TNNT3: variants seen among roughly 807,000 people sequenced by gnomAD.
TNNT3 encodes troponin T, fast skeletal muscle.
A neutral mutation model predicts 54.2 loss-of-function variants in TNNT3; 36 were observed. The ratio of observed to expected loss-of-function variants is 0.66; its 90% CI spans 0.51 to 0.88. The LOEUF is 0.88. TNNT3 is among the 40% of genes least tolerant of loss of function. TNNT3 has a pLI of 0.00. For synonymous variants in TNNT3, 120 were observed against 109.7 expected, an observed-to-expected ratio of 1.09 and a Z score of -0.59; for missense variants, 291 against 331.6, an observed-to-expected ratio of 0.88 and a Z score of 0.95.
intron 9 of TNNT3, 48 bp downstream of exon 9, chr11:1,932,562 C>T (rs771098385): frequency 6.2e-7 from 1 of 1,600,768 alleles, no homozygotes; most frequent in Non-Finnish European, 8.6e-7. Flanking sequence ...TCCCCACACC[C>T]CAGCTTTTGG....
chr11:1,924,260 C>T (rs1850879928), intron 4 of TNNT3, among the ~76,000 whole-genome samples: 1 of 152,178 alleles, frequency 6.6e-6, no homozygotes, highest in Non-Finnish European at 1.5e-5. Context: ...GAGCCTGGAG[C>T]CCCCTCCCTG....
At chr11:1,930,674 G>T (rs917136889) in intron 8 of TNNT3, among the ~76,000 whole-genome samples, 1 of 152,190 alleles carries the variant, frequency 6.6e-6, no homozygotes, top group Non-Finnish European at 1.5e-5. Context: ...CACACTCACT[G>T]TTGGCTCCCA....
chr11:1,919,648 T>TG (rs1321582307), upstream of TNNT3: 3 of 152,256 alleles, frequency 2.0e-5, no homozygotes, highest in Non-Finnish European at 4.4e-5. Context: ...CACTGGCCAA[T>TG]GGGCTCCTAG....
At chr11:1,937,025 G>A (rs763419356) in intron 15 of TNNT3, 22 bp downstream of exon 15, 6 of 1,579,372 alleles carry the variant, frequency 3.8e-6, no homozygotes, top group Non-Finnish European at 5.2e-6. Context: ...TGCCGTCCTC[G>A]CTCCGCACTG....
At position 1,922,859 on chromosome 11, in the gene TNNT3, ACCAC is replaced by A. The variant is rs1564795694; in HGVS notation, c.-10_-7del. ...TCTCTCTGAATCTCTCTCTGCAGAA[ACCAC>A]CCACCTTCACCATGTCTGACGAGGA... On this transcript the variant is annotated 5_prime_UTR_variant, in exon 2 of 16. Transcript: ENST00000278317. 6.2e-7 allele frequency: 1 copy of A among 1,612,728 alleles called. No individual in the cohort carries two copies. Among genetic ancestry groups the A allele is most frequent in the Non-Finnish European group, 8.5e-7 (1 of 1,179,880 alleles).
At chr11:1,923,462 C>T in intron 3 of TNNT3, 93 bp from the exon 4 acceptor site, 1 of 1,419,490 alleles carries the variant, frequency 7.0e-7, no homozygotes, top group Non-Finnish European at 1.0e-6. Flanking sequence ...CTGGCCTGTC[C>T]AGGGCCGGGA....
At chr11:1,935,125 G>A in intron 14 of TNNT3, 1 of 647,788 alleles carries the variant, frequency 1.5e-6, no homozygotes, top group Non-Finnish European at 2.8e-6. Context: ...CTCCTGGCTG[G>A]CCATGCAGCG....
At chr11:1,935,001 A>C in intron 14 of TNNT3, 82 bp downstream of exon 14, 1 of 1,341,418 alleles carries the variant, frequency 7.5e-7, no homozygotes, top group Non-Finnish European at 1.1e-6. Flanking sequence ...GTCCCTACCA[A>C]ACTCTGGACC....
At chr11:1,925,567 T>C (rs1800946742) in intron 5 of TNNT3, among the ~76,000 whole-genome samples, 1 of 151,738 alleles carries the variant, frequency 6.6e-6, no homozygotes, top group Non-Finnish European at 1.5e-5. Context: ...TCCCCAAGCA[T>C]GGGGCAGAGG....
intron 5 of TNNT3, among the ~76,000 whole-genome samples, chr11:1,925,765 G>A (rs1182354938): frequency 6.6e-6 from 1 of 151,484 alleles, no homozygotes; most frequent in Non-Finnish European, 1.5e-5. Context: ...GCATGCCCTC[G>A]TCAGCCCCCC....
In TNNT3 at chr11:1,934,916, T is replaced by C. The variant is rs1854520683; in HGVS notation, c.678T>C (p.Tyr226=). 4.3e-6 allele frequency: 7 copies of C among 1,613,294 alleles called. No individual in the cohort carries two copies. The highest frequency in any genetic ancestry group is 2.7e-5 in the African/African-American group (2 of 74,942). The change falls in exon 14 of 16, where the codon TAT becomes TAC. Residue 226 remains tyrosine, a synonymous_variant. Transcript: ENST00000278317. Reference sequence around the variant, plus strand: ...GGGAGAAGCTGAAACGCCAGAAATATGACGTGAGTCCCGGCACCTCCGGCC... The same window carrying C: ...GGGAGAAGCTGAAACGCCAGAAATACGACGTGAGTCCCGGCACCTCCGGCC... The part of the protein sequence containing the change: ...EFGEKLKRQK[Y]DITTLRSRID...
At chr11:1,924,154 C>G (rs1850846718) in intron 4 of TNNT3, among the ~76,000 whole-genome samples, 1 of 152,196 alleles carries the variant, frequency 6.6e-6, no homozygotes, top group Non-Finnish European at 1.5e-5. Flanking sequence ...TTCTTGGCCT[C>G]TCTGTCCCCA....
intron 3 of TNNT3, 108 bp downstream of exon 3, chr11:1,923,169 T>G (rs1354326596): frequency 1.4e-6 from 2 of 1,472,596 alleles, no homozygotes; most frequent in African/African-American, 2.8e-5. Context: ...CAGCCCTACA[T>G]CAGCTGCATC....
chr11:1,922,013 C>T (rs941610770), intron 1 of TNNT3, among the ~76,000 whole-genome samples: 5 of 152,196 alleles, frequency 3.3e-5, no homozygotes, highest in Non-Finnish European at 5.9e-5. Flanking sequence ...AGAGCATCCC[C>T]GGGACCAGGG....
rs371358368 is a variant in TNNT3, at chr11:1,922,851, C to T, written c.-18-6C>T. On this transcript the variant is annotated splice_polypyrimidine_tract_variant and splice_region_variant and intron_variant, in intron 1 of 15. Transcript: ENST00000278317. Reference sequence around the variant, plus strand: ...TCTCTCTCTCTCTCTGAATCTCTCTCTGCAGAAACCACCCACCTTCACCAT... The same window carrying T: ...TCTCTCTCTCTCTCTGAATCTCTCTTTGCAGAAACCACCCACCTTCACCAT... 9.4e-5 allele frequency: 151 copies of T among 1,612,684 alleles called. No individual in the cohort carries two copies. In the African/African-American group the frequency reaches 1.1e-3, roughly 12 times the overall value.
chr11:1,937,915 C>A (rs533380504), intron 15 of TNNT3, among the ~76,000 whole-genome samples: 2 of 152,296 alleles, frequency 1.3e-5, no homozygotes, highest in South Asian at 4.1e-4. Context: ...GCCAGGTGTC[C>A]TGCTGAGCAG....
intron 4 of TNNT3, chr11:1,924,889 G>A: frequency 1.5e-6 from 1 of 666,314 alleles, no homozygotes; most frequent in Non-Finnish European, 2.8e-6. Flanking sequence ...ACAGTGACCA[G>A]CTCTGCTGGT....
chr11:1,926,368 C>A, intron 5 of TNNT3: 2 of 1,471,984 alleles, frequency 1.4e-6, no homozygotes, highest in Non-Finnish European at 9.5e-7. Context: ...CCACCCTCGG[C>A]CTCGAGTGGC....
rs549136808 is a variant in TNNT3 at position 1,928,959 on chromosome 11, T to C, written c.83-161T>C. ...CAGGCATTGATTCACCGGCCCCAGC[T>C]TGGGGCACTTGTAGGGCCCCGCAGG... On this transcript the variant is annotated intron_variant, in intron 6 of 15. Coordinates refer to ENST00000278317, the MANE Select transcript of TNNT3 (RefSeq NM_006757.4). 216 of 752,896 alleles carry C rather than the reference T, an allele frequency of 2.9e-4. 4 individuals are homozygous for C. In the African/African-American group the frequency reaches 3.4e-3, roughly 12 times the overall value. The allele number at this position is 752,896 out of a possible 1,614,324, so 46.6% of individuals were successfully genotyped here.
Sources: gnomAD v4.1 joint callset for allele counts (sites outside exome capture counted in the v4.1 genomes callset) on GRCh38, gnomAD v4.1.1 for gene constraint, MANE v1.5 for transcripts, NCBI Gene and HGNC (gene_info 2026-07-23, HGNC 2026-07-21) for gene names.